The following DENND1B variants were observed in gnomAD, a reference collection of about 807,000 sequenced individuals.
The protein encoded by DENND1B is DENN domain-containing protein 1B.
In DENND1B, 59 loss-of-function variants were observed where a neutral mutation model predicts 90.1. The observed-to-expected ratio is 0.65, with a 90% CI of 0.53 to 0.81. The LOEUF (loss-of-function observed/expected upper bound fraction) is 0.81, where lower values mean the gene tolerates loss of function less well. Ranked by LOEUF, DENND1B falls within the 40% of genes least tolerant of loss-of-function variation. The pLI is 0.00. For synonymous variants in DENND1B, 337 were observed against 324.6 expected, an observed-to-expected ratio of 1.04 and a Z score of -0.41; for missense variants, 862 against 912.6, an observed-to-expected ratio of 0.94 and a Z score of 0.71.
At chr1:197,561,801 A>G (rs1263893061) in intron 15 of DENND1B, among the ~76,000 whole-genome samples, 1 of 151,770 alleles carries the variant, frequency 6.6e-6, no homozygotes, top group African/African-American at 2.4e-5. Context: ...ATCATCCATG[A>G]CTCTGCTTTC....
At chr1:197,731,049 T>C (rs1308089883) in intron 2 of DENND1B, among the ~76,000 whole-genome samples, 2 of 152,090 alleles carry the variant, frequency 1.3e-5, no homozygotes, top group Non-Finnish European at 2.9e-5. Flanking sequence ...AACTGAAATC[T>C]GGGAGGATAC....
chr1:197,701,785 A>T (rs1013997841), intron 3 of DENND1B, among the ~76,000 whole-genome samples: 1 of 152,148 alleles, frequency 6.6e-6, no homozygotes, highest in Non-Finnish European at 1.5e-5. Context: ...CTAATTGCCT[A>T]GGCTATGTTC....
intron 3 of DENND1B, among the ~76,000 whole-genome samples, chr1:197,681,993 G>A (rs1187358794): frequency 6.6e-6 from 1 of 151,560 alleles, no homozygotes; most frequent in Non-Finnish European, 1.5e-5. Flanking sequence ...TTCTGGTCCT[G>A]CCTGGAACCT....
At chr1:197,621,740 A>C (rs1678187877) in intron 10 of DENND1B, among the ~76,000 whole-genome samples, 1 of 151,342 alleles carries the variant, frequency 6.6e-6, no homozygotes. Context: ...AAAAGGGTAA[A>C]GGGAAGAATT....
intron 13 of DENND1B, among the ~76,000 whole-genome samples, chr1:197,596,030 G>A (rs941742108): frequency 6.6e-6 from 1 of 152,010 alleles, no homozygotes; most frequent in African/African-American, 2.4e-5. Flanking sequence ...GCAAAGCTGG[G>A]ATCTAAACCT....
chr1:197,586,870 G>C (rs1674745278), intron 14 of DENND1B, among the ~76,000 whole-genome samples: 1 of 152,154 alleles, frequency 6.6e-6, no homozygotes, highest in South Asian at 2.1e-4. Context: ...GAGGCAGAGA[G>C]GCCAGCTTCT....
At chr1:197,681,466 C>A (rs1323616654) in intron 3 of DENND1B, among the ~76,000 whole-genome samples, 1 of 152,086 alleles carries the variant, frequency 6.6e-6, no homozygotes, top group African/African-American at 2.4e-5. Flanking sequence ...TTCTTTTATT[C>A]ATGTACTTAT....
intron 2 of DENND1B, among the ~76,000 whole-genome samples, chr1:197,763,680 G>GA (rs1655372107): frequency 6.6e-6 from 1 of 152,144 alleles, no homozygotes; most frequent in Non-Finnish European, 1.5e-5. Flanking sequence ...GTTAACTTTA[G>GA]AAAAAGATAA....
At chr1:197,640,576 A>T (rs1460132991) in intron 10 of DENND1B, among the ~76,000 whole-genome samples, 1 of 152,104 alleles carries the variant, frequency 6.6e-6, no homozygotes, top group East Asian at 1.9e-4. Context: ...ATATATATGT[A>T]TTTCCTTAAT....
At chr1:197,632,734 C>T (rs915710399) in intron 10 of DENND1B, among the ~76,000 whole-genome samples, 1 of 152,154 alleles carries the variant, frequency 6.6e-6, no homozygotes, top group Admixed American at 6.6e-5. Context: ...TAACTCCTTC[C>T]TATTTAACAG....
intron 18 of DENND1B, among the ~76,000 whole-genome samples, chr1:197,544,338 G>A (rs1187616490): frequency 6.6e-6 from 1 of 152,080 alleles, no homozygotes; most frequent in African/African-American, 2.4e-5. Flanking sequence ...AATGGCTTGA[G>A]CAAGAATCAA....
chr1:197,728,192 T>C (rs1661825295), intron 2 of DENND1B, among the ~76,000 whole-genome samples: 1 of 152,186 alleles, frequency 6.6e-6, no homozygotes, highest in South Asian at 2.1e-4. Context: ...ACATCTACAA[T>C]TGTTTAAAAA....
At chr1:197,684,612 A>G in intron 3 of DENND1B, among the ~76,000 whole-genome samples, 1 of 152,200 alleles carries the variant, frequency 6.6e-6, no homozygotes, top group East Asian at 1.9e-4. Flanking sequence ...TGTGAGTCTT[A>G]TCTGCCATAG....
chr1:197,569,338 T>C (rs1672953185), intron 15 of DENND1B, among the ~76,000 whole-genome samples: 4 of 152,138 alleles, frequency 2.6e-5, no homozygotes, highest in Admixed American at 2.6e-4. Flanking sequence ...TGTAAATTAG[T>C]ATAACCATTA....
chr1:197,553,627 G>C (rs1239475005), intron 15 of DENND1B, among the ~76,000 whole-genome samples: 1 of 152,088 alleles, frequency 6.6e-6, no homozygotes, highest in African/African-American at 2.4e-5. Context: ...CCTGTTTTCA[G>C]CTTATTAACT....
intron 9 of DENND1B, among the ~76,000 whole-genome samples, chr1:197,643,115 C>T (rs983262415): frequency 2.0e-5 from 3 of 151,912 alleles, no homozygotes; most frequent in Non-Finnish European, 4.4e-5. Context: ...TTCCTGGGAC[C>T]CAACCTAGAG....
intron 3 of DENND1B, among the ~76,000 whole-genome samples, chr1:197,704,368 A>G (rs764671635): frequency 9.2e-5 from 14 of 152,118 alleles, no homozygotes; most frequent in Non-Finnish European, 2.1e-4. Flanking sequence ...CTTACTTTTC[A>G]CTGAACTACT....
chr1:197,511,908 A>G lies in DENND1B; in HGVS notation c.1635T>C (p.Tyr545=), dbSNP rs754217605. The change falls in exon 22 of 23, where the codon TAT becomes TAC. Residue 545 remains tyrosine (Y), a synonymous_variant. Coordinates refer to ENST00000620048, the MANE Select transcript of DENND1B (RefSeq NM_001195215.2). ...CAACAGAGTCATCACTCTCATAGAGATAAGCAGAAGCTTCTTCACCATCTT... is the reference window on the plus strand; with the variant it reads ...CAACAGAGTCATCACTCTCATAGAGGTAAGCAGAAGCTTCTTCACCATCTT... The part of the protein sequence containing the change: ...SSEDGEEASA[Y]LYESDDSVET... 3.7e-6 allele frequency: 6 copies of G among 1,607,622 alleles called. No homozygotes were observed. The highest frequency in any genetic ancestry group is 4.3e-6 in the Non-Finnish European group (5 of 1,176,390).
At chr1:197,514,167 G>C (rs1204815730) in intron 20 of DENND1B, among the ~76,000 whole-genome samples, 3 of 151,630 alleles carry the variant, frequency 2.0e-5, no homozygotes, top group Admixed American at 6.6e-5. Context: ...AGGGGCTAAA[G>C]AATTATGCTT....
Sources: allele counts gnomAD v4.1 joint callset (sites outside exome capture counted in the v4.1 genomes callset), GRCh38; gene constraint gnomAD v4.1.1; transcripts MANE v1.5; gene names NCBI Gene and HGNC (gene_info 2026-07-23, HGNC 2026-07-21).